SHROOM2: variants seen among roughly 807,000 people sequenced by gnomAD.
The protein encoded by SHROOM2 is protein Shroom2.
Under a neutral mutation model 75.9 loss-of-function variants are expected in SHROOM2, and 33 were observed. The ratio of observed to expected loss-of-function variants is 0.43; its 90% confidence interval spans 0.33 to 0.58. The LOEUF is 0.58. SHROOM2 is among the 20% of genes least tolerant of loss of function. The pLI is 0.04. For synonymous variants in SHROOM2, 655 were observed against 663.6 expected, an observed-to-expected ratio of 0.99 and a Z score of 0.20; for missense variants, 1,434 against 1,461.2, an observed-to-expected ratio of 0.98 and a Z score of 0.30.
intron 1 of SHROOM2, among the ~76,000 whole-genome samples, chrX:9,814,902 G>T (rs1007331643): frequency 9.0e-6 from 1 of 111,402 alleles, no homozygotes; most frequent in Non-Finnish European, 1.9e-5. Flanking sequence ...TCAGCCCCTC[G>T]CATGATAAGA....
intron 5 of SHROOM2, among the ~76,000 whole-genome samples, chrX:9,903,823 G>A (rs1336593821): frequency 1.8e-5 from 2 of 111,203 alleles, no homozygotes; most frequent in African/African-American, 3.3e-5. Context: ...GAGATTACAG[G>A]TGTGAGCCAC....
chrX:9,815,681 G>A (rs1378395833), intron 1 of SHROOM2, among the ~76,000 whole-genome samples: 2 of 109,538 alleles, frequency 1.8e-5, no homozygotes, highest in East Asian at 5.6e-4. Context: ...TGAGGAGCAA[G>A]GAGAGCTGGT....
Position 9,939,263 on chromosome X carries a change from C to T in SHROOM2, c.4208C>T (p.Ala1403Val), listed in dbSNP as rs1174162815. ...AATTCTACCTACTACAGCACGTCGG[C>T]CCCCAAGGCGGAGCTGCTGATCAAG... ...ATNSTYYSTS[A>V]PKAELLIKMK... The change falls in exon 8 of 10, where the codon GCC becomes GTC. Residue 1403 changes from alanine (A) to valine (V), a missense_variant. Around this residue, in one of 3 missense-constraint regions of SHROOM2, gnomAD observed 1,340 missense variants for 1,338.3 expected, o/e 1.00. Transcript: ENST00000380913. 1 of 1,209,989 alleles carries T rather than the reference C, an allele frequency of 8.3e-7. No homozygotes were observed. Among genetic ancestry groups the T allele is most frequent in the South Asian group, 1.8e-5 (1 of 56,482 alleles).
intron 1 of SHROOM2, among the ~76,000 whole-genome samples, chrX:9,839,017 G>A (rs1486860215): frequency 1.8e-5 from 2 of 111,243 alleles, no homozygotes; most frequent in Non-Finnish European, 3.8e-5. Flanking sequence ...CCTGTCGCAC[G>A]TGGAAGGAAA....
At chrX:9,829,036 G>GTTTTT (rs1281811665) in intron 1 of SHROOM2, among the ~76,000 whole-genome samples, 3 of 110,766 alleles carry the variant, frequency 2.7e-5, no homozygotes, top group African/African-American at 9.9e-5. Context: ...TTTTGTTTTT[G>GTTTTT]TTTTTTAAAC....
intron 1 of SHROOM2, among the ~76,000 whole-genome samples, chrX:9,851,676 G>C (rs1305261612): frequency 9.6e-6 from 1 of 103,703 alleles, no homozygotes; most frequent in Non-Finnish European, 2.0e-5. Flanking sequence ...GTGTTGCCCA[G>C]GCTGGTCTCA....
chrX:9,946,140 T>A (rs1471389129), intron 9 of SHROOM2, among the ~76,000 whole-genome samples: 3 of 113,010 alleles, frequency 2.7e-5, no homozygotes, highest in Admixed American at 1.9e-4. Flanking sequence ...GCACTGCGTC[T>A]TCTCCACCCT....
intron 1 of SHROOM2, among the ~76,000 whole-genome samples, chrX:9,821,080 G>T (rs916353464): frequency 8.9e-5 from 10 of 111,748 alleles, no homozygotes; most frequent in Non-Finnish European, 3.8e-5. Context: ...TGGTAGGGAT[G>T]AAAATTCTTG....
intron 1 of SHROOM2, among the ~76,000 whole-genome samples, chrX:9,809,272 G>C (rs1367896700): frequency 1.8e-5 from 2 of 111,480 alleles, no homozygotes; most frequent in Non-Finnish European, 3.8e-5. Flanking sequence ...TTTGAGGCCA[G>C]GAAGCATCCA....
chrX:9,833,645 T>TGTGTGTGTGTGTGTGTGC (rs989151309), intron 1 of SHROOM2, among the ~76,000 whole-genome samples: 2 of 100,085 alleles, frequency 2.0e-5, no homozygotes. Context: ...TGTGTGTGTG[T>TGTGTGTGTGTGTGTGTGC]GCATGCACGT....
In SHROOM2 at chrX:9,948,992, A is replaced by G. The variant is rs2084847686; in HGVS notation, c.*2055A>G. 2 of 148,856 alleles carry G rather than the reference A, an allele frequency of 1.3e-5. No homozygotes were observed. Among genetic ancestry groups the G allele is most frequent in the Admixed American group, 7.3e-5 (1 of 13,632 alleles). 12.3% of individuals were successfully genotyped at this position (148,856 alleles called of 1,213,427 possible). ...TTGATGATATGTGTGTAAAATGTGA[A>G]TAATCCAATTGGTGTCTGTACTCAG... is the stretch of plus-strand genomic sequence containing the variant. On this transcript the variant is annotated 3_prime_UTR_variant, in exon 10 of 10. Coordinates refer to ENST00000380913, the MANE Select transcript of SHROOM2 (RefSeq NM_001649.4).
chrX:9,942,811 C>T (rs1198909984), intron 8 of SHROOM2, among the ~76,000 whole-genome samples: 2 of 111,020 alleles, frequency 1.8e-5, no homozygotes, highest in African/African-American at 6.6e-5. Flanking sequence ...AAAAAGACTA[C>T]AATCCAGTCC....
chrX:9,825,695 A>G (rs979886916), intron 1 of SHROOM2, among the ~76,000 whole-genome samples: 1 of 111,753 alleles, frequency 8.9e-6, no homozygotes, highest in African/African-American at 3.2e-5. Flanking sequence ...TTATGGTTCC[A>G]TATGTGGGTG....
At chrX:9,801,067 C>G (rs1454937978) in intron 1 of SHROOM2, among the ~76,000 whole-genome samples, 1 of 111,617 alleles carries the variant, frequency 9.0e-6, no homozygotes, top group East Asian at 2.8e-4. Flanking sequence ...ACTCACAGTT[C>G]CATGTGGCTG....
Position 9,896,783 on chromosome X carries a change from T to A in SHROOM2, c.2790+85T>A. 5 of 979,299 alleles carry A rather than the reference T, an allele frequency of 5.1e-6. No individual in the cohort carries two copies. In the East Asian group the frequency reaches 1.7e-4, roughly 33 times the overall value. The allele number at this position is 979,299 out of a possible 1,213,427, so 80.7% of individuals were successfully genotyped here. On this transcript the variant is annotated intron_variant, in intron 4 of 9. Coordinates refer to ENST00000380913, the MANE Select transcript of SHROOM2 (RefSeq NM_001649.4). ...AGAATGCAGTGGCTGACGCCAGGGC[T>A]ACTCAGCTCCAGCTGTGCGAGCATT...
chrX:9,826,993 T>C (rs746621642), intron 1 of SHROOM2, among the ~76,000 whole-genome samples: 37 of 110,556 alleles, frequency 3.3e-4, no homozygotes, highest in African/African-American at 1.2e-3. Flanking sequence ...TTCAGTTAAA[T>C]AAAAGAAGGG....
intron 1 of SHROOM2, among the ~76,000 whole-genome samples, chrX:9,797,374 C>T (rs1000254705): frequency 1.8e-5 from 2 of 112,800 alleles, no homozygotes; most frequent in African/African-American, 6.4e-5. Flanking sequence ...TAAGCCTCTG[C>T]TGTGTTTGGG....
chrX:9,833,608 C>CTGTGTGTGTGTG (rs144161839), intron 1 of SHROOM2, among the ~76,000 whole-genome samples: 3,658 of 95,294 alleles, frequency 0.038, 90 homozygotes, highest in Admixed American at 0.05. Flanking sequence ...CAAGTAGACT[C>CTGTGTGTGTGTG]TGTGTGTGTG....
chrX:9,859,473 A>G (rs1336430212), intron 1 of SHROOM2, among the ~76,000 whole-genome samples: 5 of 111,877 alleles, frequency 4.5e-5, no homozygotes, highest in Non-Finnish European at 9.4e-5. Context: ...AACTGTCAGC[A>G]GGGTTAGGAG....
Sources: gnomAD v4.1 joint callset for allele counts (sites outside exome capture counted in the v4.1 genomes callset) on GRCh38, gnomAD v4.1.1 for gene constraint, gnomAD v4.1.1 regional missense constraint, MANE v1.5 for transcripts, NCBI Gene and HGNC (gene_info 2026-07-23, HGNC 2026-07-21) for gene names.